The following NTRK3 variants were observed in gnomAD, a reference collection of about 807,000 sequenced individuals.
NTRK3 encodes neurotrophic receptor tyrosine kinase 3.
A neutral mutation model predicts 91.7 loss-of-function variants in NTRK3; 24 were observed. The ratio of observed to expected loss-of-function variants is 0.26; its 90% CI spans 0.19 to 0.37. NTRK3 has a LOEUF of 0.37. Ranked by LOEUF, NTRK3 falls within the 10% of genes least tolerant of loss-of-function variation. NTRK3 has a pLI of 1.00. For missense variants in NTRK3, 880 were observed against 1,068.9 expected (o/e 0.82, Z 2.46); for synonymous variants, 483 against 404.0 (o/e 1.20, Z -2.34).
chr15:88,110,742 C>G (rs1207543857), intron 13 of NTRK3, among the ~76,000 whole-genome samples: 1 of 152,164 alleles, frequency 6.6e-6, no homozygotes, highest in African/African-American at 2.4e-5. Flanking sequence ...AGTGGAAACC[C>G]TATAGCTCGG....
At chr15:88,219,762 T>C (rs2050085166) in intron 3 of NTRK3, among the ~76,000 whole-genome samples, 1 of 152,232 alleles carries the variant, frequency 6.6e-6, no homozygotes, top group African/African-American at 2.4e-5. Flanking sequence ...TAACACGCAC[T>C]GAGCACTTCT....
chr15:87,975,197 C>G (rs2073619128), intron 14 of NTRK3, among the ~76,000 whole-genome samples: 2 of 152,158 alleles, frequency 1.3e-5, no homozygotes, highest in South Asian at 4.1e-4. Context: ...AGGACCTCAT[C>G]ATGTAATGCT....
intron 13 of NTRK3, among the ~76,000 whole-genome samples, chr15:88,066,628 ATGAG>A (rs1463450649): frequency 6.6e-6 from 1 of 152,212 alleles, no homozygotes; most frequent in Admixed American, 6.5e-5. Context: ...AGAAGCACAT[ATGAG>A]TGAGTGCCTC....
At chr15:88,095,203 T>C (rs1025812016) in intron 13 of NTRK3, among the ~76,000 whole-genome samples, 1 of 152,226 alleles carries the variant, frequency 6.6e-6, no homozygotes, top group African/African-American at 2.4e-5. Context: ...GAGAATTTAA[T>C]AGTCTTCTCA....
At chr15:88,017,212 G>T (rs1017883023) in intron 14 of NTRK3, among the ~76,000 whole-genome samples, 8 of 152,176 alleles carry the variant, frequency 5.3e-5, no homozygotes, top group Admixed American at 2.0e-4. Flanking sequence ...TCACAGAGGG[G>T]CCTTCATTAG....
intron 13 of NTRK3, among the ~76,000 whole-genome samples, chr15:88,120,776 G>C (rs2151059311): frequency 6.6e-6 from 1 of 152,326 alleles, no homozygotes; most frequent in Admixed American, 6.5e-5. Flanking sequence ...TCATAATCCA[G>C]CTTCATTTCC....
chr15:87,950,647 G>A (rs1042882271), intron 14 of NTRK3, among the ~76,000 whole-genome samples: 3 of 152,130 alleles, frequency 2.0e-5, no homozygotes, highest in African/African-American at 4.8e-5. Flanking sequence ...TTGTTTTCAT[G>A]AGCGAAATTA....
intron 13 of NTRK3, among the ~76,000 whole-genome samples, chr15:88,108,756 T>C (rs573307969): frequency 6.6e-6 from 1 of 152,358 alleles, no homozygotes; most frequent in South Asian, 2.1e-4. Flanking sequence ...GCTATAGCTT[T>C]GCTAAGCCAA....
At chr15:88,112,812 G>A (rs116287674) in intron 13 of NTRK3, among the ~76,000 whole-genome samples, 2,578 of 152,214 alleles carry the variant, frequency 0.017, 70 homozygotes, top group African/African-American at 0.057. Context: ...AAAGTGAACG[G>A]AGCCACATCA....
At chr15:88,063,732 G>C (rs936764077) in intron 13 of NTRK3, among the ~76,000 whole-genome samples, 1 of 152,230 alleles carries the variant, frequency 6.6e-6, no homozygotes, top group South Asian at 2.1e-4. Flanking sequence ...CATCTCGCAT[G>C]TGGTGGTGTT....
intron 17 of NTRK3, among the ~76,000 whole-genome samples, chr15:87,914,682 G>A (rs2067320560): frequency 6.6e-6 from 1 of 152,134 alleles, no homozygotes; most frequent in South Asian, 2.1e-4. Flanking sequence ...CTCAGGATGT[G>A]AAAAAATAAA....
At chr15:88,054,558 GAATT>G (rs748832538) in intron 13 of NTRK3, among the ~76,000 whole-genome samples, 6 of 152,168 alleles carry the variant, frequency 3.9e-5, no homozygotes, top group Non-Finnish European at 8.8e-5. Flanking sequence ...TAGACAGTTA[GAATT>G]AATTAAAGAA....
chr15:87,985,661 G>A (rs983730974), intron 14 of NTRK3, among the ~76,000 whole-genome samples: 3 of 152,130 alleles, frequency 2.0e-5, no homozygotes, highest in African/African-American at 7.2e-5. Context: ...AGAGGGAGGG[G>A]GCTGAGGCTG....
At chr15:88,027,918 G>A (rs762483795) in intron 14 of NTRK3, among the ~76,000 whole-genome samples, 1 of 152,188 alleles carries the variant, frequency 6.6e-6, no homozygotes, top group African/African-American at 2.4e-5. Flanking sequence ...CTAAGCTATG[G>A]GTTAGAAGGA....
intron 17 of NTRK3, among the ~76,000 whole-genome samples, chr15:87,907,973 G>A (rs528567496): frequency 2.0e-4 from 31 of 152,264 alleles, no homozygotes; most frequent in South Asian, 8.3e-4. Context: ...GTTAGACCAC[G>A]CTTCATCTGA....
At chr15:87,951,140 G>C (rs1437054023) in intron 14 of NTRK3, among the ~76,000 whole-genome samples, 1 of 152,092 alleles carries the variant, frequency 6.6e-6, no homozygotes, top group African/African-American at 2.4e-5. Context: ...CCTCCATCTG[G>C]GGTACCCGTC....
At chr15:88,164,491 T>C (rs76446986) in intron 5 of NTRK3, among the ~76,000 whole-genome samples, 2,711 of 152,332 alleles carry the variant, frequency 0.018, 66 homozygotes, top group African/African-American at 0.061. Context: ...TCCATTCATC[T>C]TATTCTGTGT....
chr15:87,954,207 T>C (rs2071443437), intron 14 of NTRK3, among the ~76,000 whole-genome samples: 1 of 152,190 alleles, frequency 6.6e-6, no homozygotes, highest in Non-Finnish European at 1.5e-5. Flanking sequence ...AGGCCAGCCC[T>C]TGGGCTCTCT....
chr15:87,951,438 T>C (rs76142360), intron 14 of NTRK3, among the ~76,000 whole-genome samples: 1,541 of 152,338 alleles, frequency 0.01, 27 homozygotes, highest in African/African-American at 0.035. Flanking sequence ...GATTTAGTTA[T>C]ACTAAGGCAT....
Sources: allele counts gnomAD v4.1 joint callset (sites outside exome capture counted in the v4.1 genomes callset), GRCh38; gene constraint gnomAD v4.1.1; transcripts MANE v1.5; gene names NCBI Gene and HGNC (gene_info 2026-07-23, HGNC 2026-07-21).